The following ZNF277 variants were observed in gnomAD, a reference collection of about 807,000 sequenced individuals.
ZNF277 encodes zinc finger protein 277, also known as nuclear receptor-interacting factor 4.
ZNF277 carries 55 observed loss-of-function variants against 60.7 expected under a neutral mutation model. That is an observed-to-expected ratio of 0.91 (90% CI 0.73 to 1.13). The LOEUF (loss-of-function observed/expected upper bound fraction) is 1.13, where lower values mean the gene tolerates loss of function less well. Among genes scored for constraint, ZNF277 ranks in the 50% most tolerant of loss-of-function variants. The pLI is 0.00. For synonymous variants in ZNF277, 178 were observed against 179.3 expected, an observed-to-expected ratio of 0.99 and a Z score of 0.06; for missense variants, 510 against 523.0, an observed-to-expected ratio of 0.98 and a Z score of 0.24.
intron 1 of ZNF277, among the ~76,000 whole-genome samples, chr7:112,211,029 C>A (rs568124867): frequency 6.6e-6 from 1 of 152,138 alleles, no homozygotes; most frequent in Non-Finnish European, 1.5e-5. Flanking sequence ...AATATTCTGT[C>A]AAAGTCAACT....
At chr7:112,224,115 C>T (rs1027459849) in intron 1 of ZNF277, among the ~76,000 whole-genome samples, 11 of 151,990 alleles carry the variant, frequency 7.2e-5, no homozygotes, top group African/African-American at 2.7e-4. Flanking sequence ...GATCTGGTAG[C>T]GGGTAGTATT....
intron 1 of ZNF277, among the ~76,000 whole-genome samples, chr7:112,232,382 G>A (rs933337606): frequency 6.6e-6 from 1 of 152,002 alleles, no homozygotes; most frequent in South Asian, 2.1e-4. Context: ...CACTTCATGT[G>A]GTTTATGTCC....
At chr7:112,286,841 CTTTTTTTTTTT>C in intron 1 of ZNF277, 21 bp from the exon 2 acceptor site, 1 of 947,882 alleles carries the variant, frequency 1.1e-6, no homozygotes, top group East Asian at 3.0e-5. Context: ...TTCTTTCTTT[CTTTTTTTTTTT>C]TTTTTTTTGG....
At chr7:112,278,778 T>C (rs994670692) in intron 1 of ZNF277, among the ~76,000 whole-genome samples, 3 of 152,170 alleles carry the variant, frequency 2.0e-5, no homozygotes, top group African/African-American at 7.2e-5. Context: ...AAATCTATCC[T>C]CTTCACAAAT....
intron 1 of ZNF277, among the ~76,000 whole-genome samples, chr7:112,211,216 A>G (rs1373651946): frequency 2.0e-5 from 3 of 152,174 alleles, no homozygotes; most frequent in Non-Finnish European, 4.4e-5. Flanking sequence ...TCATTCTTGT[A>G]TTTCCTATTT....
chr7:112,320,834 C>T (rs543586580), intron 5 of ZNF277, among the ~76,000 whole-genome samples: 28 of 150,286 alleles, frequency 1.9e-4, no homozygotes, highest in Non-Finnish European at 3.6e-4. Context: ...TTTAGGTCTT[C>T]TCATTATTCT....
At chr7:112,215,811 A>G (rs1369338324) in intron 1 of ZNF277, among the ~76,000 whole-genome samples, 1 of 152,158 alleles carries the variant, frequency 6.6e-6, no homozygotes, top group African/African-American at 2.4e-5. Flanking sequence ...GTTTTTATCC[A>G]AATAGAGAGG....
intron 5 of ZNF277, among the ~76,000 whole-genome samples, chr7:112,319,564 C>T (rs1792926966): frequency 6.6e-6 from 1 of 150,734 alleles, no homozygotes; most frequent in African/African-American, 2.4e-5. Flanking sequence ...AAAACATAGC[C>T]CAGCACAGTA....
At chr7:112,210,987 CT>C (rs750227051) in intron 1 of ZNF277, among the ~76,000 whole-genome samples, 9 of 152,200 alleles carry the variant, frequency 5.9e-5, no homozygotes, top group Non-Finnish European at 1.0e-4. Flanking sequence ...GAGGCTATTT[CT>C]TCTGAGTATT....
At chr7:112,290,331 A>G (rs910788931) in intron 2 of ZNF277, among the ~76,000 whole-genome samples, 1 of 152,164 alleles carries the variant, frequency 6.6e-6, no homozygotes, top group Non-Finnish European at 1.5e-5. Flanking sequence ...CTATATTTGT[A>G]CTAATCAATC....
At chr7:112,297,577 T>C (rs768171642) in intron 4 of ZNF277, among the ~76,000 whole-genome samples, 16 of 152,274 alleles carry the variant, frequency 1.1e-4, no homozygotes, top group Non-Finnish European at 1.9e-4. Flanking sequence ...GGTGATACCA[T>C]TGGATGTTGA....
chr7:112,276,990 G>A (rs1791812063), intron 1 of ZNF277, among the ~76,000 whole-genome samples: 4 of 151,400 alleles, frequency 2.6e-5, no homozygotes, highest in South Asian at 2.1e-4. Flanking sequence ...AATAAAAATC[G>A]TGGATCAAAT....
chr7:112,332,959 G>T (rs1219553523), intron 7 of ZNF277, among the ~76,000 whole-genome samples: 2 of 152,004 alleles, frequency 1.3e-5, no homozygotes, highest in East Asian at 3.9e-4. Flanking sequence ...TAGAACAAGT[G>T]TATAAAAAAC....
intron 1 of ZNF277, among the ~76,000 whole-genome samples, chr7:112,284,711 T>C (rs893676690): frequency 6.6e-6 from 1 of 152,044 alleles, no homozygotes; most frequent in Non-Finnish European, 1.5e-5. Context: ...GATATTAATT[T>C]TGTGAACAAA....
At chr7:112,242,105 G>T (rs1047208596) in intron 1 of ZNF277, among the ~76,000 whole-genome samples, 10 of 151,770 alleles carry the variant, frequency 6.6e-5, no homozygotes, top group Non-Finnish European at 1.5e-4. Flanking sequence ...AATATCTTAT[G>T]TACCCCATAA....
intron 1 of ZNF277, among the ~76,000 whole-genome samples, chr7:112,232,502 G>A (rs1822366246): frequency 1.3e-5 from 2 of 152,164 alleles, no homozygotes; most frequent in Non-Finnish European, 2.9e-5. Context: ...GTTACTAGAA[G>A]TGCAAGCATA....
At chr7:112,243,298 A>G (rs993128041) in intron 1 of ZNF277, among the ~76,000 whole-genome samples, 1 of 152,106 alleles carries the variant, frequency 6.6e-6, no homozygotes, top group Non-Finnish European at 1.5e-5. Context: ...AGACCTCAAA[A>G]GCAAATGCAA....
At chr7:112,328,971 T>C (rs1793164291) in intron 6 of ZNF277, among the ~76,000 whole-genome samples, 1 of 152,080 alleles carries the variant, frequency 6.6e-6, no homozygotes, top group Admixed American at 6.6e-5. Context: ...TTAAATCGAG[T>C]CCCTTCACCC....
chr7:112,223,169 T>A (rs975515253), intron 1 of ZNF277, among the ~76,000 whole-genome samples: 3 of 152,340 alleles, frequency 2.0e-5, no homozygotes, highest in East Asian at 1.9e-4. Flanking sequence ...TAACGTAGCA[T>A]GTCTCCCAGC....
Sources: allele counts gnomAD v4.1 joint callset (sites outside exome capture counted in the v4.1 genomes callset), GRCh38; gene constraint gnomAD v4.1.1; transcripts MANE v1.5; gene names NCBI Gene and HGNC (gene_info 2026-07-23, HGNC 2026-07-21).